RSU1: variants seen among roughly 807,000 people sequenced by gnomAD.
RSU1 encodes Ras suppressor protein 1.
In RSU1, 26 loss-of-function variants were observed where a neutral mutation model predicts 31.1. That is an observed-to-expected ratio of 0.84 (90% CI 0.61 to 1.16). The LOEUF is 1.16. RSU1 is among the 50% of genes most tolerant of loss of function. RSU1 has a pLI of 0.00. For missense variants in RSU1, 320 were observed against 339.1 expected, an observed-to-expected ratio of 0.94 and a Z score of 0.44; for synonymous variants, 164 against 136.3, an observed-to-expected ratio of 1.20 and a Z score of -1.41.
intron 2 of RSU1, among the ~76,000 whole-genome samples, chr10:16,790,910 T>C (rs572165412): frequency 6.6e-6 from 1 of 152,346 alleles, no homozygotes; most frequent in East Asian, 1.9e-4. Context: ...TGCTTCCAGG[T>C]ACAGCCTGTG....
intron 8 of RSU1, among the ~76,000 whole-genome samples, chr10:16,608,041 C>A (rs1007340890): frequency 2.0e-5 from 3 of 152,190 alleles, no homozygotes; most frequent in Non-Finnish European, 4.4e-5. Flanking sequence ...TTGTTTCCCA[C>A]GCTAGTCTTG....
intron 7 of RSU1, among the ~76,000 whole-genome samples, chr10:16,743,791 T>C (rs544565914): frequency 6.6e-6 from 1 of 152,160 alleles, no homozygotes; most frequent in Non-Finnish European, 1.5e-5. Context: ...AGTCTGCTTA[T>C]TCTAGACATA....
chr10:16,764,571 G>A (rs1297179502), intron 3 of RSU1, 61 bp from the exon 4 acceptor site: 2 of 1,520,238 alleles, frequency 1.3e-6, no homozygotes, highest in Non-Finnish European at 1.8e-6. Context: ...AGGGATGGCA[G>A]CGGCACATTT....
chr10:16,741,565 G>C (rs1441686479), intron 7 of RSU1, among the ~76,000 whole-genome samples: 1 of 152,132 alleles, frequency 6.6e-6, no homozygotes, highest in Non-Finnish European at 1.5e-5. Context: ...AGAGAGCAAA[G>C]ATCATGAAAA....
chr10:16,809,887 TTAACA>T (rs2131277508), intron 2 of RSU1, among the ~76,000 whole-genome samples: 1 of 152,178 alleles, frequency 6.6e-6, no homozygotes, highest in Admixed American at 6.6e-5. Context: ...TATAGTCATC[TTAACA>T]TAACAAACAA....
rs1277589003 is a variant in RSU1, at chr10:16,677,856, A to G, written c.731+17167T>C. ...ATTTGTTAGTTGCAAGACACATTCT[A>G]TTAAAAGATCACACCACTCACGCAG... On this transcript the variant is annotated intron_variant, in intron 8 of 8. Transcript: ENST00000345264. Among the ~76,000 whole-genome samples the G allele has an allele frequency of 2.0e-5, 3 of 152,220 alleles. No individual in the cohort carries two copies. In the East Asian group the frequency reaches 5.8e-4, roughly 29 times the overall value.
At position 16,590,916 on chromosome 10, in the gene RSU1, A is replaced by G. The variant is rs1207380798; in HGVS notation, c.*2478T>C. On this transcript the variant is annotated 3_prime_UTR_variant, in exon 9 of 9. Transcript: ENST00000345264. ...CTCCCTTTGCCCTTATTGTTGAACA[A>G]TTTTTTTTTCTTGGGAACGGAATCT... 1 of 151,146 alleles carries G rather than the reference A, an allele frequency of 6.6e-6. No homozygotes were observed. Among genetic ancestry groups the G allele is most frequent in the African/African-American group, 2.4e-5 (1 of 41,144 alleles). The allele number at this position is 151,146 out of a possible 1,614,324, so 9.4% of individuals were successfully genotyped here. A position where few individuals can be genotyped will look rare whatever the true frequency, so the allele number is the denominator to read the frequency against.
At chr10:16,769,949 G>C (rs1041961188) in intron 3 of RSU1, among the ~76,000 whole-genome samples, 2 of 152,078 alleles carry the variant, frequency 1.3e-5, no homozygotes, top group African/African-American at 4.8e-5. Context: ...TGCTTAAGAC[G>C]GACAACTTTC....
At chr10:16,634,525 G>A (rs976319946) in intron 8 of RSU1, among the ~76,000 whole-genome samples, 2 of 152,186 alleles carry the variant, frequency 1.3e-5, no homozygotes, top group Non-Finnish European at 2.9e-5. Context: ...GAAAGAATAT[G>A]TGATTTTCAC....
At chr10:16,679,542 G>A (rs1835289988) in intron 8 of RSU1, among the ~76,000 whole-genome samples, 1 of 152,186 alleles carries the variant, frequency 6.6e-6, no homozygotes, top group Admixed American at 6.5e-5. Flanking sequence ...AAAGATCTCT[G>A]AGGAAGCGAT....
At chr10:16,712,149 C>A (rs186345515) in intron 7 of RSU1, among the ~76,000 whole-genome samples, 1 of 152,102 alleles carries the variant, frequency 6.6e-6, no homozygotes. Flanking sequence ...TATAGCTACT[C>A]CTGCTCACTT....
At chr10:16,641,687 T>C (rs973865599) in intron 8 of RSU1, among the ~76,000 whole-genome samples, 21 of 152,104 alleles carry the variant, frequency 1.4e-4, no homozygotes, top group African/African-American at 7.2e-5. Context: ...CTTCCCAGAA[T>C]GTGACTTGGA....
At chr10:16,813,310 A>C (rs1838449225) in intron 2 of RSU1, among the ~76,000 whole-genome samples, 1 of 152,182 alleles carries the variant, frequency 6.6e-6, no homozygotes, top group Non-Finnish European at 1.5e-5. Context: ...CCTTAGGCAA[A>C]AGTACCAAAC....
At chr10:16,807,525 CT>C (rs1199441198) in intron 2 of RSU1, among the ~76,000 whole-genome samples, 1 of 152,124 alleles carries the variant, frequency 6.6e-6, no homozygotes, top group African/African-American at 2.4e-5. Context: ...GATCTCACAT[CT>C]GATCATTCCA....
At chr10:16,785,509 T>C (rs1034776225) in intron 2 of RSU1, among the ~76,000 whole-genome samples, 29 of 137,406 alleles carry the variant, frequency 2.1e-4, no homozygotes, top group African/African-American at 9.0e-4. Context: ...TACACATATA[T>C]ACATATATAT....
At chr10:16,771,346 A>C (rs1837421267) in intron 3 of RSU1, among the ~76,000 whole-genome samples, 1 of 152,228 alleles carries the variant, frequency 6.6e-6, no homozygotes, top group East Asian at 1.9e-4. Context: ...GGAGGAAAAA[A>C]TCAAATTAGC....
intron 8 of RSU1, among the ~76,000 whole-genome samples, chr10:16,654,419 C>G (rs1834737588): frequency 6.7e-6 from 1 of 149,274 alleles, no homozygotes; most frequent in African/African-American, 2.5e-5. Context: ...CTTGTAATCC[C>G]AGCACTTTGG....
intron 3 of RSU1, among the ~76,000 whole-genome samples, chr10:16,780,447 T>C (rs1413324507): frequency 1.3e-5 from 2 of 152,140 alleles, no homozygotes; most frequent in African/African-American, 2.4e-5. Flanking sequence ...CTCAGTATGC[T>C]GCCTTGGCTG....
At chr10:16,690,616 A>G (rs1835528769) in intron 8 of RSU1, among the ~76,000 whole-genome samples, 1 of 152,196 alleles carries the variant, frequency 6.6e-6, no homozygotes, top group African/African-American at 2.4e-5. Context: ...TTTTCTTTCA[A>G]GTATCCATGT....
Sources: allele counts gnomAD v4.1 joint callset (sites outside exome capture counted in the v4.1 genomes callset), GRCh38; gene constraint gnomAD v4.1.1; transcripts MANE v1.5; gene names NCBI Gene and HGNC (gene_info 2026-07-23, HGNC 2026-07-21).